Variants in ABL2 observed in about 807,000 individuals in gnomAD.
ABL2 encodes the protein ABL proto-oncogene 2, non-receptor tyrosine kinase.
Under a neutral mutation model 107.7 loss-of-function variants are expected in ABL2, and 49 were observed. The observed-to-expected ratio is 0.45, with a 90% CI of 0.36 to 0.58. The LOEUF (loss-of-function observed/expected upper bound fraction) is 0.58, where lower values mean the gene tolerates loss of function less well. Among genes scored for constraint, ABL2 ranks in the 20% least tolerant of loss-of-function variants. The pLI is 0.00. For synonymous variants in ABL2, 549 were observed against 548.6 expected (o/e 1.00, Z -0.01); for missense variants, 1,245 against 1,457.0 (o/e 0.85, Z 2.37).
chr1:179,138,652 G>A (rs949348060), intron 1 of ABL2, among the ~76,000 whole-genome samples: 3 of 152,076 alleles, frequency 2.0e-5, no homozygotes, highest in African/African-American at 7.2e-5. Context: ...AATCCTTCAT[G>A]GCTCTGAGAG....
At chr1:179,167,651 C>A (rs1659468167) in intron 1 of ABL2, among the ~76,000 whole-genome samples, 1 of 152,170 alleles carries the variant, frequency 6.6e-6, no homozygotes, top group African/African-American at 2.4e-5. Flanking sequence ...ATTACTCATT[C>A]TATGCATGTA....
At chr1:179,229,110 G>T in intron 1 of ABL2, 131 bp downstream of exon 1, 1 of 1,187,918 alleles carries the variant, frequency 8.4e-7, no homozygotes, top group Non-Finnish European at 1.2e-6. Flanking sequence ...CCAGATGGCA[G>T]CGGATTCCGC....
intron 1 of ABL2, chr1:179,184,098 G>A (rs766182972): frequency 1.8e-5 from 5 of 276,898 alleles, no homozygotes; most frequent in African/African-American, 4.6e-5. Context: ...AGAATTGATC[G>A]CCAAAGTTCC....
intron 7 of ABL2, 128 bp from the exon 8 acceptor site, chr1:179,117,644 G>C (rs1654779164): frequency 2.4e-6 from 2 of 830,634 alleles, no homozygotes; most frequent in East Asian, 2.6e-5. Context: ...AGTATCTTCT[G>C]ATAATCACTA....
rs1428607441 is a variant in ABL2, at chr1:179,104,724, C to G, written c.*2994G>C. ...TGCATTTTAAAGTGGGAAATCTAAA[C>G]TGAAGTAATATTATCTGTACATGAA... On this transcript the variant is annotated 3_prime_UTR_variant, in exon 12 of 12. Transcript: ENST00000502732. 3 of 214,278 alleles carry G rather than the reference C, an allele frequency of 1.4e-5. No individual in the cohort carries two copies. The highest frequency in any genetic ancestry group is 7.0e-5 in the East Asian group (1 of 14,320). 13.3% of individuals were successfully genotyped at this position (214,278 alleles called of 1,614,324 possible).
chr1:179,228,050 CAAAAAAAAAA>C (rs34070201), intron 1 of ABL2, among the ~76,000 whole-genome samples: 5 of 63,376 alleles, frequency 7.9e-5, no homozygotes, highest in African/African-American at 3.4e-4. Context: ...ACTCCGTCTC[CAAAAAAAAAA>C]AAAAAAAAAA....
rs71108091 is a variant in ABL2, at chr1:179,101,377, CT to C, written c.*6340del. On this transcript the variant is annotated 3_prime_UTR_variant, in exon 12 of 12. Coordinates refer to ENST00000502732, the MANE Select transcript of ABL2 (RefSeq NM_007314.4). ...ATATTGAGTCAGAAATGAAGGTATC[CT>C]TTTTTTTTTTTTTCTTCTTAACGTG... is the stretch of plus-strand genomic sequence containing the variant. The C allele has an allele frequency of 0.019, 3,114 of 168,010 alleles. 51 individuals are homozygous for C. The highest frequency in any genetic ancestry group is 0.051 in the African/African-American group (1,994 of 39,468). The allele number at this position is 168,010 out of a possible 1,614,324, so 10.4% of individuals were successfully genotyped here.
chr1:179,118,880 C>T, intron 6 of ABL2, 116 bp from the exon 7 acceptor site: 1 of 1,079,672 alleles, frequency 9.3e-7, no homozygotes, highest in Non-Finnish European at 1.4e-6. Context: ...AATCTTTTCC[C>T]TTCTTACCAC....
At chr1:179,195,296 C>CA (rs917054014) in intron 1 of ABL2, among the ~76,000 whole-genome samples, 9 of 151,554 alleles carry the variant, frequency 5.9e-5, no homozygotes, top group African/African-American at 1.9e-4. Context: ...TCAAAAAAAA[C>CA]AAAAAACAAA....
intron 1 of ABL2, among the ~76,000 whole-genome samples, chr1:179,155,292 T>C (rs1439706776): frequency 1.3e-5 from 2 of 152,188 alleles, no homozygotes; most frequent in Non-Finnish European, 2.9e-5. Flanking sequence ...CCTAACAGAC[T>C]AATCGGAACG....
intron 9 of ABL2, among the ~76,000 whole-genome samples, chr1:179,114,571 A>G (rs1654436657): frequency 6.6e-6 from 1 of 152,164 alleles, no homozygotes; most frequent in African/African-American, 2.4e-5. Context: ...GTCTTTAGCA[A>G]TCATTTTTAT....
chr1:179,115,137 C>CCT, intron 8 of ABL2, 107 bp from the exon 9 acceptor site: 1 of 1,020,824 alleles, frequency 9.8e-7, no homozygotes, highest in Non-Finnish European at 1.4e-6. Context: ...CACACTGTTA[C>CCT]AACAACATTA....
At chr1:179,229,170 G>GGCCCCCCCCCCCCCCCCCCC in intron 1 of ABL2, 71 bp downstream of exon 1, 1 of 266,256 alleles carries the variant, frequency 3.8e-6, no homozygotes, top group Non-Finnish European at 6.8e-6. Flanking sequence ...CAGCCCGTCC[G>GGCCCCCCCCCCCCCCCCCCC]CCACCCACCC....
In ABL2 at chr1:179,101,992, A is replaced by ATTTTTTTTTTTTTTTTTTT. The variant is rs1557895974; in HGVS notation, c.*5725_*5726insAAAAAAAAAAAAAAAAAAA. The ATTTTTTTTTTTTTTTTTTT allele has an allele frequency of 1.0e-5, 1 of 100,298 alleles. No individual in the cohort carries two copies. The highest frequency in any genetic ancestry group is 1.2e-4 in the Admixed American group (1 of 8,520). 6.2% of individuals were successfully genotyped at this position (100,298 alleles called of 1,614,324 possible). A position where few individuals can be genotyped will look rare whatever the true frequency, so the allele number is the denominator to read the frequency against. ...AAAAAAAAGCAAGCTTTGCATTAGA[A>ATTTTTTTTTTTTTTTTTTT]TTTCTTTTTTTTTTTTTTTTTTTTT... is the stretch of plus-strand genomic sequence containing the variant. On this transcript the variant is annotated 3_prime_UTR_variant, in exon 12 of 12. Coordinates refer to ENST00000502732, the MANE Select transcript of ABL2 (RefSeq NM_007314.4).
At chr1:179,220,855 TC>T in intron 1 of ABL2, 1 of 161,836 alleles carries the variant, frequency 6.2e-6, no homozygotes. Flanking sequence ...GCCCTGGCTC[TC>T]CAGACTGCCC....
chr1:179,130,825 T>C (rs1471062368), intron 3 of ABL2, among the ~76,000 whole-genome samples: 2 of 152,000 alleles, frequency 1.3e-5, no homozygotes, highest in South Asian at 2.1e-4. Flanking sequence ...AATAGGATTA[T>C]GGGGAGATTA....
In ABL2 at chr1:179,116,985, G is replaced by C; in HGVS notation, c.1408+347C>G. Reference sequence around the variant, plus strand: ...CTCTTGAATAGCTGGGATTACTGGCGCATGCCACCACGCCTGGCTAATTTT... The same window carrying C: ...CTCTTGAATAGCTGGGATTACTGGCCCATGCCACCACGCCTGGCTAATTTT... On this transcript the variant is annotated intron_variant, in intron 8 of 11. Transcript: ENST00000502732. 2 of 313,716 alleles carry C rather than the reference G, an allele frequency of 6.4e-6. 1 individual carries two copies. The highest frequency in any genetic ancestry group is 6.2e-5 in the South Asian group (2 of 32,320). 19.4% of individuals were successfully genotyped at this position (313,716 alleles called of 1,614,324 possible). A position where few individuals can be genotyped will look rare whatever the true frequency, so the allele number is the denominator to read the frequency against.
At chr1:179,200,157 G>A (rs995120842) in intron 1 of ABL2, among the ~76,000 whole-genome samples, 4 of 148,418 alleles carry the variant, frequency 2.7e-5, no homozygotes, top group South Asian at 2.1e-4. Context: ...AGAGATTCTC[G>A]TGCTTCAGCC....
chr1:179,229,005 C>T (rs1175072232), intron 1 of ABL2, among the ~76,000 whole-genome samples: 1 of 152,206 alleles, frequency 6.6e-6, no homozygotes, highest in Admixed American at 6.5e-5. Context: ...CCAGGGTCCC[C>T]AAACCCACTT....
Sources: gnomAD v4.1 joint callset for allele counts (sites outside exome capture counted in the v4.1 genomes callset) on GRCh38, gnomAD v4.1.1 for gene constraint, MANE v1.5 for transcripts, NCBI Gene and HGNC (gene_info 2026-07-23, HGNC 2026-07-21) for gene names.